The following NT5DC3 variants were observed in gnomAD, a reference collection of about 807,000 sequenced individuals.
NT5DC3 encodes the protein 5'-nucleotidase domain-containing protein 3.
A neutral mutation model predicts 67.8 loss-of-function variants in NT5DC3; 42 were observed. The ratio of observed to expected loss-of-function variants is 0.62; its 90% CI spans 0.48 to 0.80. The LOEUF is 0.80. Among genes scored for constraint, NT5DC3 ranks in the 30% least tolerant of loss-of-function variants. The pLI is 0.00. For synonymous variants in NT5DC3, 237 were observed against 255.6 expected (o/e 0.93, Z 0.69); for missense variants, 570 against 696.4 (o/e 0.82, Z 2.04).
chr12:103,756,768 C>T, the NT5DC3 span, among the ~76,000 whole-genome samples: 1 of 151,930 alleles, frequency 6.6e-6, no homozygotes, highest in Non-Finnish European at 1.5e-5. Flanking sequence ...GAAGTTAGAC[C>T]AAGGACCCCA....
the NT5DC3 span, among the ~76,000 whole-genome samples, chr12:103,761,915 G>T: frequency 6.6e-6 from 1 of 152,122 alleles, no homozygotes; most frequent in South Asian, 2.1e-4. Flanking sequence ...GAGGGGAGAG[G>T]TGAGCTGCTG....
the NT5DC3 span, chr12:103,746,774 C>T: frequency 2.9e-5 from 43 of 1,491,488 alleles, no homozygotes; most frequent in Non-Finnish European, 3.9e-5. Context: ...GCTCACAGTG[C>T]CTGGGCTTCA....
chr12:103,755,354 A>AC, the NT5DC3 span: 2 of 1,614,036 alleles, frequency 1.2e-6, no homozygotes, highest in African/African-American at 1.3e-5. Context: ...CGGGTTGCCT[A>AC]CCCCACAGCC....
chr12:103,800,328 C>T (rs781345656), intron 4 of NT5DC3, among the ~76,000 whole-genome samples: 1 of 152,338 alleles, frequency 6.6e-6, no homozygotes, highest in East Asian at 1.9e-4. Context: ...TTTATCTTTG[C>T]TCCAGAAATA....
chr12:103,833,420 C>T (rs1363383963), intron 1 of NT5DC3, among the ~76,000 whole-genome samples: 1 of 152,122 alleles, frequency 6.6e-6, no homozygotes, highest in Admixed American at 6.5e-5. Context: ...CTTATGCTTA[C>T]TATTACTATT....
At chr12:103,766,680 A>G (rs1019277086), downstream of NT5DC3, 12 of 269,050 alleles carry the variant, frequency 4.5e-5, no homozygotes, top group East Asian at 5.0e-4. Context: ...TGCCTGACAC[A>G]GGAACTGTGC....
chr12:103,823,317 A>G (rs2139446126), intron 1 of NT5DC3, among the ~76,000 whole-genome samples: 1 of 152,252 alleles, frequency 6.6e-6, no homozygotes, highest in East Asian at 1.9e-4. Context: ...AGTCAACCAA[A>G]AAGTTAATCT....
intron 13 of NT5DC3, among the ~76,000 whole-genome samples, chr12:103,779,763 G>A (rs1015578685): frequency 1.3e-5 from 2 of 152,208 alleles, no homozygotes; most frequent in African/African-American, 4.8e-5. Flanking sequence ...AAGCATGATT[G>A]TCAGTATGGG....
the NT5DC3 span, chr12:103,759,055 T>G: frequency 3.1e-6 from 5 of 1,610,818 alleles, no homozygotes; most frequent in South Asian, 2.2e-5. Context: ...AGCAATTTTC[T>G]TCGTCATCCC....
chr12:103,831,770 C>CTTTTT (rs568035358), intron 1 of NT5DC3, among the ~76,000 whole-genome samples: 5 of 109,650 alleles, frequency 4.6e-5, no homozygotes, highest in African/African-American at 1.8e-4. Flanking sequence ...TCAGCATCCT[C>CTTTTT]TTTTTTTTTT....
intron 4 of NT5DC3, among the ~76,000 whole-genome samples, chr12:103,801,122 T>C (rs1289926135): frequency 6.6e-6 from 1 of 151,978 alleles, no homozygotes. Context: ...CTCACTCCTG[T>C]GGGCCAAACA....
At chr12:103,761,202 A>G in the NT5DC3 span, 38 of 1,104,438 alleles carry the variant, frequency 3.4e-5, no homozygotes, top group Middle Eastern at 2.0e-4. Context: ...AACCTGAAAC[A>G]TGGGCTCAGG....
intron 2 of NT5DC3, among the ~76,000 whole-genome samples, chr12:103,808,285 T>C (rs1886887803): frequency 6.6e-6 from 1 of 152,140 alleles, no homozygotes; most frequent in South Asian, 2.1e-4. Flanking sequence ...GCTGGGGCCT[T>C]CTCCCCTGCT....
chr12:103,763,810 A>C, the NT5DC3 span: 3 of 496,732 alleles, frequency 6.0e-6, no homozygotes, highest in Non-Finnish European at 1.1e-5. Flanking sequence ...TTGGGTAGAC[A>C]GCAGAATCCT....
At chr12:103,803,014 C>T (rs563787907) in intron 4 of NT5DC3, among the ~76,000 whole-genome samples, 1 of 152,200 alleles carries the variant, frequency 6.6e-6, no homozygotes, top group African/African-American at 2.4e-5. Flanking sequence ...CAGCAAACCC[C>T]AAGAACCCAG....
chr12:103,759,229 G>C, the NT5DC3 span: 1 of 1,614,114 alleles, frequency 6.2e-7, no homozygotes. Context: ...AACGAGGCTG[G>C]GAAGCAAGCT....
At chr12:103,749,215 G>C in the NT5DC3 span, 2 of 1,510,804 alleles carry the variant, frequency 1.3e-6, no homozygotes, top group Non-Finnish European at 1.8e-6. Context: ...GCTCCTCCTT[G>C]CCTTTCCACC....
chr12:103,818,372 G>A (rs1887348585), intron 1 of NT5DC3, among the ~76,000 whole-genome samples: 1 of 150,370 alleles, frequency 6.7e-6, no homozygotes, highest in African/African-American at 2.4e-5. Context: ...ATGAGATAAC[G>A]ACCATGGCCT....
At chr12:103,749,104 A>C in the NT5DC3 span, 1 of 1,612,102 alleles carries the variant, frequency 6.2e-7, no homozygotes, top group Non-Finnish European at 8.5e-7. Flanking sequence ...CCCTGTGCAG[A>C]CGGCCTTAAC....
Sources: gnomAD v4.1 joint callset for allele counts (sites outside exome capture counted in the v4.1 genomes callset) on GRCh38, gnomAD v4.1.1 for gene constraint, MANE v1.5 for transcripts, NCBI Gene and HGNC (gene_info 2026-07-23, HGNC 2026-07-21) for gene names.